AUTS2: variants seen among roughly 807,000 people sequenced by gnomAD.
AUTS2 encodes the protein autism susceptibility gene 2 protein.
Under a neutral mutation model 112.4 loss-of-function variants are expected in AUTS2, and 17 were observed. That is an observed-to-expected ratio of 0.15 (90% CI 0.10 to 0.23). The LOEUF (loss-of-function observed/expected upper bound fraction) is 0.23. AUTS2 is among the 10% of genes least tolerant of loss of function. The pLI is 1.00. For synonymous variants in AUTS2, 751 were observed against 702.7 expected (o/e 1.07, Z -1.09); for missense variants, 1,510 against 1,701.6 (o/e 0.89, Z 1.98).
At chr7:70,511,824 G>T (rs1171615219) in intron 5 of AUTS2, among the ~76,000 whole-genome samples, 3 of 151,898 alleles carry the variant, frequency 2.0e-5, no homozygotes, top group Non-Finnish European at 2.9e-5. Flanking sequence ...GATCCGCCTT[G>T]CCTTGGTCTC....
intron 4 of AUTS2, among the ~76,000 whole-genome samples, chr7:70,355,198 G>A (rs973364362): frequency 8.5e-5 from 13 of 152,070 alleles, no homozygotes; most frequent in African/African-American, 3.1e-4. Flanking sequence ...TTGAGGAATA[G>A]GCACAAATTT....
At chr7:69,935,619 T>C (rs1796379724) in intron 2 of AUTS2, among the ~76,000 whole-genome samples, 1 of 151,914 alleles carries the variant, frequency 6.6e-6, no homozygotes, top group African/African-American at 2.4e-5. Context: ...GAAAGGAAGG[T>C]CTAAGGTTTT....
intron 2 of AUTS2, among the ~76,000 whole-genome samples, chr7:69,912,058 G>A (rs1432057571): frequency 6.6e-6 from 1 of 152,206 alleles, no homozygotes; most frequent in African/African-American, 2.4e-5. Context: ...CCTCCCTCTT[G>A]TGCTCATGGG....
chr7:69,704,127 G>A (rs1180041044), intron 1 of AUTS2, among the ~76,000 whole-genome samples: 1 of 152,112 alleles, frequency 6.6e-6, no homozygotes, highest in African/African-American at 2.4e-5. Context: ...GCTGTTTACA[G>A]TGCTATCACA....
intron 2 of AUTS2, among the ~76,000 whole-genome samples, chr7:70,055,933 C>G (rs530208748): frequency 6.6e-6 from 1 of 151,828 alleles, no homozygotes; most frequent in Non-Finnish European, 1.5e-5. Flanking sequence ...ATCCACCCAC[C>G]TCAGCCTGCC....
chr7:69,716,333 A>G (rs1194524668), intron 1 of AUTS2, among the ~76,000 whole-genome samples: 2 of 151,674 alleles, frequency 1.3e-5, no homozygotes, highest in Non-Finnish European at 2.9e-5. Context: ...ATTCCACCCT[A>G]CTAATACTCA....
intron 6 of AUTS2, among the ~76,000 whole-genome samples, chr7:70,715,739 C>T (rs1736919153): frequency 6.6e-6 from 1 of 152,088 alleles, no homozygotes; most frequent in African/African-American, 2.4e-5. Flanking sequence ...ACCATGTTAG[C>T]CAGGCTGGTC....
At chr7:70,127,584 A>G (rs1167783250) in intron 3 of AUTS2, among the ~76,000 whole-genome samples, 1 of 152,074 alleles carries the variant, frequency 6.6e-6, no homozygotes, top group Non-Finnish European at 1.5e-5. Context: ...GACTCTTTTC[A>G]CCTTTCTCTC....
At chr7:70,071,997 C>T (rs1198566963) in intron 2 of AUTS2, among the ~76,000 whole-genome samples, 4 of 151,864 alleles carry the variant, frequency 2.6e-5, no homozygotes, top group Admixed American at 6.6e-5. Flanking sequence ...GGCCTTGCTG[C>T]GGCCCAAGGG....
intron 4 of AUTS2, among the ~76,000 whole-genome samples, chr7:70,412,357 G>A (rs1395300324): frequency 6.6e-6 from 1 of 152,188 alleles, no homozygotes; most frequent in Non-Finnish European, 1.5e-5. Flanking sequence ...GTTTGGGAAA[G>A]TAAAGAATGC....
intron 1 of AUTS2, among the ~76,000 whole-genome samples, chr7:69,643,952 A>T (rs1483336444): frequency 1.3e-5 from 2 of 152,164 alleles, no homozygotes; most frequent in African/African-American, 4.8e-5. Context: ...GTAAATAAAT[A>T]TGTGTGTACA....
At chr7:70,129,519 C>A (rs1029699525) in intron 3 of AUTS2, among the ~76,000 whole-genome samples, 1 of 152,200 alleles carries the variant, frequency 6.6e-6, no homozygotes, top group Non-Finnish European at 1.5e-5. Context: ...AAATTGACCA[C>A]CACAATCACA....
intron 12 of AUTS2, chr7:70,774,342 C>T: frequency 2.0e-6 from 1 of 511,042 alleles, no homozygotes; most frequent in Non-Finnish European, 3.5e-6. Context: ...GAGTTACGGT[C>T]TGAGCCCAGA....
At chr7:70,442,820 G>A (rs942613966) in intron 5 of AUTS2, among the ~76,000 whole-genome samples, 74 of 152,192 alleles carry the variant, frequency 4.9e-4, no homozygotes, top group East Asian at 7.7e-4. Flanking sequence ...CGTGATTTCC[G>A]TGATGCCCAT....
chr7:70,118,386 A>G (rs1805500347), intron 3 of AUTS2, 153 bp downstream of exon 3: 2 of 936,368 alleles, frequency 2.1e-6, no homozygotes, highest in Non-Finnish European at 3.0e-6. Context: ...ATCTTTGTAT[A>G]CTTATTTGAG....
intron 4 of AUTS2, among the ~76,000 whole-genome samples, chr7:70,256,794 T>C (rs1786897395): frequency 6.6e-6 from 1 of 152,242 alleles, no homozygotes; most frequent in African/African-American, 2.4e-5. Context: ...TTTCTTATTA[T>C]AGCTTTCAGA....
intron 2 of AUTS2, among the ~76,000 whole-genome samples, chr7:70,003,879 GT>G (rs1405040446): frequency 1.2e-5 from 1 of 85,716 alleles, no homozygotes; most frequent in African/African-American, 5.6e-5. Flanking sequence ...ATATGAATGT[GT>G]TATATATGAA....
At chr7:69,706,588 T>G (rs1798069441) in intron 1 of AUTS2, among the ~76,000 whole-genome samples, 1 of 152,236 alleles carries the variant, frequency 6.6e-6, no homozygotes, top group Non-Finnish European at 1.5e-5. Context: ...TTAATTTACT[T>G]GACTCAAATA....
chr7:70,203,189 T>G (rs1437361481), intron 4 of AUTS2, among the ~76,000 whole-genome samples: 1 of 91,824 alleles, frequency 1.1e-5, no homozygotes, highest in African/African-American at 4.3e-5. Flanking sequence ...CTCTGGGGAC[T>G]GTGGTGGGGT....
Sources: gnomAD v4.1 joint callset for allele counts (sites outside exome capture counted in the v4.1 genomes callset) on GRCh38, gnomAD v4.1.1 for gene constraint, MANE v1.5 for transcripts, NCBI Gene and HGNC (gene_info 2026-07-23, HGNC 2026-07-21) for gene names.